LIPA: variants seen among roughly 807,000 people sequenced by gnomAD.
LIPA encodes lysosomal acid lipase/cholesteryl ester hydrolase.
A neutral mutation model predicts 40.6 loss-of-function variants in LIPA; 26 were observed. That is an observed-to-expected ratio of 0.64 (90% CI 0.47 to 0.89). The LOEUF is 0.89. LIPA is among the 40% of genes least tolerant of loss of function. LIPA has a pLI of 0.00. For missense variants in LIPA, 455 were observed against 479.6 expected, an observed-to-expected ratio of 0.95 and a Z score of 0.48; for synonymous variants, 188 against 168.4, an observed-to-expected ratio of 1.12 and a Z score of -0.90.
chr10:89,340,259 T>A, intron 1 of LIPA: 1 of 1,006,526 alleles, frequency 9.9e-7, no homozygotes, highest in Non-Finnish European at 1.4e-6. Context: ...AAGGTACATT[T>A]TTAAAGAGTT....
chr10:89,337,792 T>C (rs1161427041), intron 1 of LIPA, among the ~76,000 whole-genome samples: 1 of 152,220 alleles, frequency 6.6e-6, no homozygotes, highest in African/African-American at 2.4e-5. Flanking sequence ...GCATATCTGC[T>C]TACACGGTGT....
intron 1 of LIPA, among the ~76,000 whole-genome samples, chr10:89,273,008 T>G (rs765468925): frequency 3.3e-5 from 5 of 152,198 alleles, no homozygotes; most frequent in Non-Finnish European, 7.3e-5. Flanking sequence ...CTGCATAGAT[T>G]GCAAAAAGTT....
intron 1 of LIPA, among the ~76,000 whole-genome samples, chr10:89,304,310 A>G (rs1843464232): frequency 6.6e-6 from 1 of 152,204 alleles, no homozygotes; most frequent in African/African-American, 2.4e-5. Context: ...CAGGCATCCT[A>G]ATGGCAGATG....
At chr10:89,245,189 G>A (rs1195095748) in intron 3 of LIPA, among the ~76,000 whole-genome samples, 1 of 151,914 alleles carries the variant, frequency 6.6e-6, no homozygotes, top group East Asian at 1.9e-4. Flanking sequence ...ATAAGAATCT[G>A]TGTGTGTATT....
chr10:89,297,013 A>G (rs143300009), intron 1 of LIPA, among the ~76,000 whole-genome samples: 4 of 152,318 alleles, frequency 2.6e-5, no homozygotes, highest in Non-Finnish European at 5.9e-5. Context: ...TCTAGAAAGA[A>G]GAACCAAAAT....
chr10:89,385,036 A>T (rs1483654849), intron 2 of LIPA: 1 of 327,536 alleles, frequency 3.1e-6, no homozygotes, highest in Non-Finnish European at 5.6e-6. Context: ...AAATTGCTAT[A>T]ACGTGTGTAC....
At chr10:89,392,470 C>CCCG (rs1844267305) in intron 2 of LIPA, 1 of 197,884 alleles carries the variant, frequency 5.1e-6, no homozygotes, top group African/African-American at 3.9e-5. Context: ...TTTCATTCCC[C>CCCG]ACCCCCCCCC....
intron 3 of LIPA, among the ~76,000 whole-genome samples, chr10:89,230,718 A>G (rs1257971406): frequency 6.6e-6 from 1 of 152,234 alleles, no homozygotes; most frequent in Non-Finnish European, 1.5e-5. Flanking sequence ...TTCCCTGAAG[A>G]GTAGAAATGA....
At chr10:89,369,925 T>C (rs2133596852) in intron 2 of LIPA, among the ~76,000 whole-genome samples, 1 of 152,344 alleles carries the variant, frequency 6.6e-6, no homozygotes, top group East Asian at 1.9e-4. Context: ...GGAAGTTTCT[T>C]AATGAACTAT....
At chr10:89,302,008 G>T in intron 1 of LIPA, 1 of 1,051,750 alleles carries the variant, frequency 9.5e-7, no homozygotes, top group Non-Finnish European at 1.4e-6. Flanking sequence ...GGAACCAGAG[G>T]CCACTTGTAT....
intron 1 of LIPA, among the ~76,000 whole-genome samples, chr10:89,270,326 A>G (rs1120668): frequency 0.13 from 20,430 of 152,210 alleles, 1,451 homozygotes; most frequent in South Asian, 0.23. Context: ...TCACTTCTCC[A>G]TTTCACAATA....
chr10:89,379,398 A>T (rs1044937365), intron 2 of LIPA, among the ~76,000 whole-genome samples: 2 of 152,140 alleles, frequency 1.3e-5, no homozygotes, highest in Non-Finnish European at 2.9e-5. Flanking sequence ...AAATTTGAAA[A>T]ACCATTATAC....
intron 2 of LIPA, among the ~76,000 whole-genome samples, chr10:89,397,772 T>C (rs1844366191): frequency 1.3e-5 from 2 of 152,226 alleles, no homozygotes; most frequent in Non-Finnish European, 2.9e-5. Context: ...ACTATACCAA[T>C]TTACAAAAAC....
intron 1 of LIPA, among the ~76,000 whole-genome samples, chr10:89,335,142 A>G (rs931240094): frequency 3.3e-5 from 5 of 152,174 alleles, no homozygotes; most frequent in Admixed American, 3.3e-4. Flanking sequence ...TGGAGACTTT[A>G]GGGAGTAAGG....
intron 1 of LIPA, among the ~76,000 whole-genome samples, chr10:89,413,779 A>AC (rs1160765538): frequency 8.1e-5 from 12 of 148,968 alleles, no homozygotes; most frequent in South Asian, 6.3e-4. Flanking sequence ...AAAAAAAAAA[A>AC]AAACCAAAAT....
At chr10:89,409,678 A>G (rs979198307) in intron 2 of LIPA, among the ~76,000 whole-genome samples, 3 of 152,168 alleles carry the variant, frequency 2.0e-5, no homozygotes, top group African/African-American at 7.2e-5. Context: ...TCTCAGTGTT[A>G]ATCTCCTGTC....
At chr10:89,223,289 G>T (rs1348395697) in intron 7 of LIPA, among the ~76,000 whole-genome samples, 1 of 252 alleles carries the variant, frequency 4.0e-3, no homozygotes, top group Non-Finnish European at 7.7e-3. Flanking sequence ...ATTGGCTATA[G>T]TACTCAACAG....
At chr10:89,410,071 C>A (rs1269168947) in intron 2 of LIPA, among the ~76,000 whole-genome samples, 2 of 152,138 alleles carry the variant, frequency 1.3e-5, no homozygotes, top group Non-Finnish European at 2.9e-5. Context: ...CGTGGGACAA[C>A]CCCATGACCA....
At chr10:89,297,220 C>A (rs900524550) in intron 1 of LIPA, among the ~76,000 whole-genome samples, 5 of 152,168 alleles carry the variant, frequency 3.3e-5, no homozygotes, top group Admixed American at 2.0e-4. Context: ...GTCCACATCC[C>A]TCCTGCAAAC....
Sources: gnomAD v4.1 joint callset for allele counts (sites outside exome capture counted in the v4.1 genomes callset) on GRCh38, gnomAD v4.1.1 for gene constraint, MANE v1.5 for transcripts, NCBI Gene and HGNC (gene_info 2026-07-23, HGNC 2026-07-21) for gene names.